The following TMEFF2 variants were observed in gnomAD, a reference collection of about 807,000 sequenced individuals.
TMEFF2 encodes tomoregulin-2.
A neutral mutation model predicts 53.8 loss-of-function variants in TMEFF2; 28 were observed. The observed-to-expected ratio is 0.52, with a 90% confidence interval of 0.39 to 0.71. TMEFF2 has a LOEUF of 0.71. Among genes scored for constraint, TMEFF2 ranks in the 30% least tolerant of loss-of-function variants. The pLI is 0.00. For missense variants in TMEFF2, 353 were observed against 455.2 expected, an observed-to-expected ratio of 0.78 and a Z score of 2.04; for synonymous variants, 162 against 166.3, an observed-to-expected ratio of 0.97 and a Z score of 0.20.
chr2:192,076,139 T>C (rs1157828271), intron 4 of TMEFF2, among the ~76,000 whole-genome samples: 1 of 152,082 alleles, frequency 6.6e-6, no homozygotes, highest in Non-Finnish European at 1.5e-5. Context: ...AGAATAAAAT[T>C]ACTAAATTTT....
chr2:192,055,706 C>T (rs866293597), intron 5 of TMEFF2, among the ~76,000 whole-genome samples: 15 of 123,868 alleles, frequency 1.2e-4, no homozygotes, highest in Middle Eastern at 5.6e-3. Flanking sequence ...ACCCGGGAGG[C>T]GGAGGTTGCA....
At chr2:192,188,758 T>C (rs537277299) in intron 2 of TMEFF2, among the ~76,000 whole-genome samples, 29 of 152,248 alleles carry the variant, frequency 1.9e-4, no homozygotes, top group African/African-American at 6.5e-4. Flanking sequence ...TATCTATAAA[T>C]ATCTGCATGC....
intron 4 of TMEFF2, among the ~76,000 whole-genome samples, chr2:192,111,734 A>G (rs980650862): frequency 1.6e-4 from 25 of 152,286 alleles, no homozygotes; most frequent in African/African-American, 5.3e-4. Context: ...CTCTCATTGC[A>G]GGCCCATAGG....
At chr2:192,091,150 G>A (rs994850391) in intron 4 of TMEFF2, among the ~76,000 whole-genome samples, 32 of 152,222 alleles carry the variant, frequency 2.1e-4, no homozygotes, top group African/African-American at 7.0e-4. Context: ...CAGGCTTAGC[G>A]ATTCTCTCCA....
chr2:192,173,981 A>G (rs1366696802), intron 4 of TMEFF2, among the ~76,000 whole-genome samples: 2 of 151,794 alleles, frequency 1.3e-5, no homozygotes, highest in Non-Finnish European at 2.9e-5. Context: ...AGTTATTTGC[A>G]TTACTTAATT....
chr2:192,084,869 C>T (rs2105928821), intron 4 of TMEFF2, among the ~76,000 whole-genome samples: 1 of 152,260 alleles, frequency 6.6e-6, no homozygotes, highest in South Asian at 2.1e-4. Context: ...GTTTTTGCCA[C>T]TGAATTACAG....
intron 4 of TMEFF2, among the ~76,000 whole-genome samples, chr2:192,129,245 T>A (rs539801449): frequency 2.4e-4 from 37 of 152,318 alleles, no homozygotes; most frequent in African/African-American, 8.9e-4. Flanking sequence ...TTTTCAGTTT[T>A]TTAAAAATGT....
intron 4 of TMEFF2, among the ~76,000 whole-genome samples, chr2:192,137,794 A>G (rs1160576920): frequency 6.7e-6 from 1 of 148,428 alleles, no homozygotes; most frequent in African/African-American, 2.5e-5. Flanking sequence ...TATATATGTA[A>G]TATATACAAA....
At chr2:192,037,273 T>TG (rs1553515679) in intron 5 of TMEFF2, among the ~76,000 whole-genome samples, 6 of 94,736 alleles carry the variant, frequency 6.3e-5, no homozygotes, top group African/African-American at 2.1e-4. Context: ...CTAGCCAAAA[T>TG]AAAGAAAGAA....
intron 7 of TMEFF2, among the ~76,000 whole-genome samples, chr2:191,993,828 T>C (rs886099780): frequency 3.3e-5 from 5 of 152,094 alleles, no homozygotes; most frequent in East Asian, 3.8e-4. Flanking sequence ...TCTTGGCGTA[T>C]TTTGTAAAAA....
intron 4 of TMEFF2, among the ~76,000 whole-genome samples, chr2:192,126,857 C>A (rs1322319996): frequency 6.6e-6 from 1 of 152,046 alleles, no homozygotes; most frequent in East Asian, 1.9e-4. Flanking sequence ...AACAAACAAA[C>A]AAACAAAAGC....
At chr2:192,160,164 T>C (rs189767532) in intron 4 of TMEFF2, among the ~76,000 whole-genome samples, 9 of 152,256 alleles carry the variant, frequency 5.9e-5, no homozygotes, top group Admixed American at 5.2e-4. Context: ...GGAGGCCAAG[T>C]TGGGTGAAAT....
Position 192,184,469 on chromosome 2 carries a change from A to C in TMEFF2, c.297T>G (p.Tyr99Ter), listed in dbSNP as rs1352970095. Residue 99 changes from tyrosine to a stop codon, truncating the protein, a stop_gained, in exon 3 of 10, where the codon TAT (tyrosine) becomes TAG (stop). Transcript: ENST00000272771. LOFTEE classifies it high-confidence loss of function. Reference protein sequence around the residue: ...CVCQFKCNNDYVPVCGSNGES... With the variant: ...CVCQFKCNND The stretch of plus-strand genomic sequence containing the variant: ...CCCCATTGGAGCCACACACAGGCAC[A>C]TAGTCATTGTTGCACTGGGAAACAC... 6.2e-7 allele frequency: 1 copy of C among 1,613,280 alleles called. No individual in the cohort carries two copies. Among genetic ancestry groups the C allele is most frequent in the Non-Finnish European group, 8.5e-7 (1 of 1,179,456 alleles).
At chr2:191,960,168 C>A (rs1288747461) in intron 7 of TMEFF2, among the ~76,000 whole-genome samples, 2 of 152,254 alleles carry the variant, frequency 1.3e-5, no homozygotes, top group East Asian at 3.9e-4. Flanking sequence ...TCACTACACC[C>A]AGCCCAAGTT....
chr2:191,984,654 C>T (rs1197660608), intron 7 of TMEFF2, among the ~76,000 whole-genome samples: 2 of 151,840 alleles, frequency 1.3e-5, no homozygotes, highest in African/African-American at 4.8e-5. Flanking sequence ...ACATAGTATA[C>T]TTTGTGCACA....
chr2:192,158,060 G>A (rs1690547819), intron 4 of TMEFF2, among the ~76,000 whole-genome samples: 1 of 152,082 alleles, frequency 6.6e-6, no homozygotes, highest in Admixed American at 6.6e-5. Flanking sequence ...GGCACAGTAT[G>A]AGTACCATGC....
intron 4 of TMEFF2, among the ~76,000 whole-genome samples, chr2:192,151,559 G>GT (rs988979950): frequency 1.3e-5 from 2 of 151,762 alleles, no homozygotes; most frequent in Non-Finnish European, 2.9e-5. Context: ...TTATTTGTTT[G>GT]TTTTTTTAAC....
Position 192,051,223 on chromosome 2 carries a change from T to G in TMEFF2, c.536+6456A>C, listed in dbSNP as rs566352255. ...TTTCTAGAGCAGATCTATTATCTTT[T>G]TTCTGGGTTTTTTTTTTTCATTGTC... On this transcript the variant is annotated intron_variant, in intron 5 of 9. Transcript: ENST00000272771. Among the ~76,000 whole-genome samples the G allele has an allele frequency of 8.2e-5, 6 of 73,136 alleles. No homozygotes were observed. In the East Asian group the frequency reaches 3.3e-3, roughly 40 times the overall value. The allele number at this position is 73,136 out of a possible 152,430, so 48.0% of individuals were successfully genotyped here.
At chr2:191,985,231 TAC>T (rs1432238112) in intron 7 of TMEFF2, among the ~76,000 whole-genome samples, 1 of 152,150 alleles carries the variant, frequency 6.6e-6, no homozygotes, top group Non-Finnish European at 1.5e-5. Flanking sequence ...TACAATATTT[TAC>T]AGATTCTCAG....
Sources: allele counts gnomAD v4.1 joint callset (sites outside exome capture counted in the v4.1 genomes callset), GRCh38; gene constraint gnomAD v4.1.1; transcripts MANE v1.5; gene names NCBI Gene and HGNC (gene_info 2026-07-23, HGNC 2026-07-21).